Variants in PDE4D observed in about 807,000 individuals in gnomAD.
PDE4D encodes phosphodiesterase 4D.
In PDE4D, 24 loss-of-function variants were observed where a neutral mutation model predicts 87.4. That is an observed-to-expected ratio of 0.27 (90% CI 0.20 to 0.39). The LOEUF (loss-of-function observed/expected upper bound fraction) is 0.39. Among genes scored for constraint, PDE4D ranks in the 10% least tolerant of loss-of-function variants. The pLI is 1.00. For missense variants in PDE4D, 714 were observed against 1,041.0 expected, an observed-to-expected ratio of 0.69 and a Z score of 4.32; for synonymous variants, 384 against 383.2, an observed-to-expected ratio of 1.00 and a Z score of -0.02.
intron 1 of PDE4D, among the ~76,000 whole-genome samples, chr5:60,312,863 T>C (rs1755175857): frequency 6.6e-6 from 1 of 152,102 alleles, no homozygotes; most frequent in Non-Finnish European, 1.5e-5. Flanking sequence ...AATCAAGAAA[T>C]TATTTGAAAT....
intron 1 of PDE4D, among the ~76,000 whole-genome samples, chr5:60,212,513 C>A (rs890950136): frequency 3.3e-5 from 5 of 152,186 alleles, no homozygotes; most frequent in Non-Finnish European, 7.3e-5. Flanking sequence ...AGAGAAAGTT[C>A]TCTTCTTTTG....
In PDE4D at chr5:59,934,560, T is replaced by C. The variant is rs190600019; in HGVS notation, c.272+53928A>G. On this transcript the variant is annotated intron_variant, in intron 3 of 16. Transcript: ENST00000502484. ...GTTTGGAGGAATAATGGAGAAGAGA[T>C]GGAGCCTTGAAGTTTCAGATAGTGG... 8.6e-4 allele frequency among the ~76,000 whole-genome samples: 131 copies of C among 152,284 alleles called. No individual in the cohort carries two copies. The Middle Eastern group carries it at 0.034, about 40-fold the overall frequency.
At chr5:59,597,958 TG>T (rs1826941026) in intron 1 of PDE4D, among the ~76,000 whole-genome samples, 1 of 152,150 alleles carries the variant, frequency 6.6e-6, no homozygotes, top group Non-Finnish European at 1.5e-5. Context: ...TCTCTATAAT[TG>T]GCATATTCCA....
intron 2 of PDE4D, among the ~76,000 whole-genome samples, chr5:60,006,278 CA>C (rs374576549): frequency 3.3e-5 from 5 of 149,844 alleles, no homozygotes; most frequent in African/African-American, 1.2e-4. Flanking sequence ...CATTAAATGG[CA>C]AAAAAACACA....
intron 2 of PDE4D, among the ~76,000 whole-genome samples, chr5:60,087,382 A>G (rs947610048): frequency 6.6e-6 from 1 of 152,224 alleles, no homozygotes; most frequent in Non-Finnish European, 1.5e-5. Context: ...CACCACTCAA[A>G]GAAACCAACA....
chr5:59,020,507 A>C (rs10068715), intron 6 of PDE4D, among the ~76,000 whole-genome samples: 15,262 of 152,058 alleles, frequency 0.1, 1,022 homozygotes, highest in Non-Finnish European at 0.13. Flanking sequence ...TGATGTCAGT[A>C]AAGACCCAAA....
intron 1 of PDE4D, among the ~76,000 whole-genome samples, chr5:59,827,085 G>C (rs1386783002): frequency 6.6e-6 from 1 of 151,946 alleles, no homozygotes; most frequent in African/African-American, 2.4e-5. Flanking sequence ...CTTGAACTTT[G>C]AACTTATGAT....
At chr5:59,152,570 C>T (rs563055556) in intron 5 of PDE4D, among the ~76,000 whole-genome samples, 17 of 152,030 alleles carry the variant, frequency 1.1e-4, no homozygotes, top group South Asian at 2.1e-4. Context: ...ATGAGTAAGA[C>T]GAAGGATACA....
chr5:59,060,028 G>T (rs939249695), intron 5 of PDE4D, among the ~76,000 whole-genome samples: 1 of 152,118 alleles, frequency 6.6e-6, no homozygotes, highest in African/African-American at 2.4e-5. Context: ...TGAATGAGTT[G>T]GTAGTAGAAG....
At chr5:60,204,213 T>C (rs1742243811) in intron 1 of PDE4D, among the ~76,000 whole-genome samples, 1 of 152,218 alleles carries the variant, frequency 6.6e-6, no homozygotes, top group South Asian at 2.1e-4. Context: ...TAGCTAGCTA[T>C]CTCTCTATCT....
At chr5:58,993,312 A>G in intron 7 of PDE4D, 60 bp downstream of exon 7, 1 of 993,324 alleles carries the variant, frequency 1.0e-6, no homozygotes, top group Non-Finnish European at 1.5e-6. Flanking sequence ...CAATCCTCCT[A>G]CAAAAACAAA....
intron 2 of PDE4D, among the ~76,000 whole-genome samples, chr5:60,041,660 A>G (rs1052642064): frequency 3.3e-5 from 5 of 152,178 alleles, no homozygotes; most frequent in Non-Finnish European, 7.3e-5. Flanking sequence ...TGTGAGCTGA[A>G]GCAGGGTTGG....
rs1561734076 is a variant in PDE4D at position 59,217,160 on chromosome 5, C to T, written c.456-1192G>A. 16 of 454,172 alleles carry T rather than the reference C, an allele frequency of 3.5e-5. 1 individual carries two copies. The highest frequency in any genetic ancestry group is 2.5e-4 in the South Asian group (16 of 63,808). 28.1% of individuals were successfully genotyped at this position (454,172 alleles called of 1,614,324 possible). ...TCCACAAAGAACCTTTCTAGTGAAA[C>T]ATCAACCAGTATTAAAATAAAGTCA... On this transcript the variant is annotated intron_variant, in intron 1 of 14. Transcript: ENST00000340635.
chr5:60,229,497 T>G (rs1054929560), intron 1 of PDE4D, among the ~76,000 whole-genome samples: 1 of 152,128 alleles, frequency 6.6e-6, no homozygotes, highest in Non-Finnish European at 1.5e-5. Flanking sequence ...AAGAAAAATA[T>G]TTAAATCTTG....
rs146951750 is a variant in PDE4D, at chr5:60,469,966, G to A, written c.-90+17976C>T. On this transcript the variant is annotated intron_variant, in intron 1 of 16. Transcript: ENST00000502484. Reference sequence around the variant, plus strand: ...ATATCTCACTTTAAATCAAAAGCTCGGAATGAATAAGCTTAGTGAGGAGGG... The same window carrying A: ...ATATCTCACTTTAAATCAAAAGCTCAGAATGAATAAGCTTAGTGAGGAGGG... Among the ~76,000 whole-genome samples the A allele has an allele frequency of 4.7e-3, 716 of 152,194 alleles. 2 individuals carry two copies. The highest frequency in any genetic ancestry group is 6.9e-3 in the Non-Finnish European group (468 of 67,988).
At chr5:59,170,957 C>T (rs1019732014) in intron 5 of PDE4D, among the ~76,000 whole-genome samples, 1 of 151,470 alleles carries the variant, frequency 6.6e-6, no homozygotes, top group African/African-American at 2.4e-5. Flanking sequence ...TCTCGGCTCA[C>T]TGTAACCTCT....
chr5:59,938,140 A>G (rs1581818787), intron 3 of PDE4D, among the ~76,000 whole-genome samples: 2 of 152,214 alleles, frequency 1.3e-5, no homozygotes, highest in African/African-American at 4.8e-5. Context: ...ACTACGTGCT[A>G]TTAGCTTCTA....
chr5:59,342,749 A>G (rs1293436824), intron 1 of PDE4D, among the ~76,000 whole-genome samples: 2 of 152,054 alleles, frequency 1.3e-5, no homozygotes, highest in African/African-American at 4.8e-5. Context: ...TATAAAATAT[A>G]AAGTCAGAAG....
At chr5:59,753,648 G>T (rs1233182161) in intron 1 of PDE4D, among the ~76,000 whole-genome samples, 1 of 152,078 alleles carries the variant, frequency 6.6e-6, no homozygotes, top group South Asian at 2.1e-4. Context: ...GTAACCGGGG[G>T]TACTTTCAAT....
Sources: gnomAD v4.1 joint callset for allele counts (sites outside exome capture counted in the v4.1 genomes callset) on GRCh38, gnomAD v4.1.1 for gene constraint, MANE v1.5 for transcripts, NCBI Gene and HGNC (gene_info 2026-07-23, HGNC 2026-07-21) for gene names.